MARCHF1: variants seen among roughly 807,000 people sequenced by gnomAD.
MARCHF1 encodes the protein membrane associated ring-CH-type finger 1, also known as E3 ubiquitin-protein ligase MARCHF1.
MARCHF1 carries 40 observed loss-of-function variants against 54.2 expected under a neutral mutation model. The observed-to-expected ratio is 0.74, with a 90% CI of 0.57 to 0.96. MARCHF1 has a LOEUF of 0.96. MARCHF1 is among the 40% of genes least tolerant of loss of function. MARCHF1 has a pLI of 0.00. For missense variants in MARCHF1, 586 were observed against 656.5 expected (o/e 0.89, Z 1.17); for synonymous variants, 236 against 236.3 (o/e 1.00, Z 0.01).
chr4:164,164,079 A>T (rs1431206409), intron 1 of MARCHF1, among the ~76,000 whole-genome samples: 2 of 152,008 alleles, frequency 1.3e-5, no homozygotes, highest in East Asian at 3.8e-4. Context: ...ATCCTACTAA[A>T]GCAGTTCTTA....
rs1288608105 is a variant in MARCHF1, at chr4:164,258,398, A to ATAATAATAC, written c.-323+125471_-323+125472insGTATTATTA. ...ATATCCCAGAACTTAAAGTATAATAATAATAATAATAATAATAATAAAGGA... is the reference window on the plus strand; with the variant it reads ...ATATCCCAGAACTTAAAGTATAATAATAATAATACTAATAATAATAATAATAATAAAGGA... On this transcript the variant is annotated intron_variant, in intron 1 of 9. Coordinates refer to ENST00000514618, the MANE Select transcript of MARCHF1 (RefSeq NM_001394959.1). 1.9e-4 allele frequency among the ~76,000 whole-genome samples: 29 copies of ATAATAATAC among 150,530 alleles called. 1 individual carries two copies. The Admixed American group carries it at 1.9e-3, about 10-fold the overall frequency.
intron 2 of MARCHF1, among the ~76,000 whole-genome samples, chr4:164,010,221 C>T (rs1305230253): frequency 6.6e-6 from 1 of 151,490 alleles, no homozygotes; most frequent in Non-Finnish European, 1.5e-5. Context: ...AGCATGCCAC[C>T]ACGCTCAGCG....
chr4:164,220,592 T>TATATACGTAATATATATGCTATATATGC (rs1732072242), intron 1 of MARCHF1, among the ~76,000 whole-genome samples: 1 of 119,124 alleles, frequency 8.4e-6, no homozygotes, highest in Non-Finnish European at 1.7e-5. Flanking sequence ...ATGATATATG[T>TATATACGTAATATATATGCTATATATGC]ATATATGTAA....
chr4:164,154,878 A>AT (rs1204698816), intron 1 of MARCHF1, among the ~76,000 whole-genome samples: 1 of 152,170 alleles, frequency 6.6e-6, no homozygotes, highest in Non-Finnish European at 1.5e-5. Flanking sequence ...TGAAGGATGA[A>AT]TATGGGGGTT....
chr4:164,025,195 A>G (rs1160584072), intron 2 of MARCHF1, among the ~76,000 whole-genome samples: 1 of 152,156 alleles, frequency 6.6e-6, no homozygotes, highest in Non-Finnish European at 1.5e-5. Flanking sequence ...GAGGCAGAAA[A>G]CTAACAAAAA....
At chr4:163,992,934 G>T (rs1752995832) in intron 2 of MARCHF1, among the ~76,000 whole-genome samples, 1 of 151,962 alleles carries the variant, frequency 6.6e-6, no homozygotes, top group African/African-American at 2.4e-5. Context: ...TGGTGAAAGG[G>T]AGGAAACCTG....
At position 163,612,530 on chromosome 4, in the gene MARCHF1, A is replaced by G. The variant is rs2110929613; in HGVS notation, c.751T>C (p.Ser251Pro). Residue 251 changes from serine to proline, a missense_variant, in exon 7 of 10, where the codon TCC becomes CCC. Coordinates refer to ENST00000514618, the MANE Select transcript of MARCHF1 (RefSeq NM_001394959.1). The part of the protein sequence containing the change: ...QECNPSLTQG[S>P]SEIKRSSRNH... ...CTTGAGGATCTCTTAATTTCAGAGGACCCTTGAGTCAGAGAAGGGTTGCAT... is the reference window on the plus strand; with the variant it reads ...CTTGAGGATCTCTTAATTTCAGAGGGCCCTTGAGTCAGAGAAGGGTTGCAT... 1 of 1,535,158 alleles carries G rather than the reference A, an allele frequency of 6.5e-7. No individual in the cohort carries two copies. The highest frequency in any genetic ancestry group is 1.2e-5 in the South Asian group (1 of 84,000).
intron 5 of MARCHF1, among the ~76,000 whole-genome samples, chr4:163,666,856 A>G (rs1032682240): frequency 6.6e-6 from 1 of 152,164 alleles, no homozygotes; most frequent in African/African-American, 2.4e-5. Flanking sequence ...AAATGACACT[A>G]AAACTGAAAA....
At chr4:163,795,520 A>G (rs1007662621) in intron 4 of MARCHF1, among the ~76,000 whole-genome samples, 2 of 152,212 alleles carry the variant, frequency 1.3e-5, no homozygotes, top group East Asian at 1.9e-4. Context: ...GTAAGCCACC[A>G]TGCCCAGCAT....
intron 5 of MARCHF1, among the ~76,000 whole-genome samples, chr4:163,617,085 C>T (rs1360922541): frequency 6.6e-6 from 1 of 152,014 alleles, no homozygotes; most frequent in Non-Finnish European, 1.5e-5. Context: ...TAAAAACGAA[C>T]AAAATCATGT....
chr4:164,059,238 C>G (rs1754561190), intron 2 of MARCHF1, among the ~76,000 whole-genome samples: 1 of 152,136 alleles, frequency 6.6e-6, no homozygotes, highest in Non-Finnish European at 1.5e-5. Context: ...GGCATTGATT[C>G]AGTTTGCTTT....
At chr4:163,564,131 C>T (rs561054701) in intron 8 of MARCHF1, among the ~76,000 whole-genome samples, 46 of 152,146 alleles carry the variant, frequency 3.0e-4, no homozygotes, top group Non-Finnish European at 5.4e-4. Context: ...CTTAACCATT[C>T]GCCTTACTGT....
At chr4:164,171,983 C>A (rs1730536860) in intron 1 of MARCHF1, among the ~76,000 whole-genome samples, 1 of 152,090 alleles carries the variant, frequency 6.6e-6, no homozygotes, top group Non-Finnish European at 1.5e-5. Flanking sequence ...TGGCTGGCAC[C>A]CAGGTCACTA....
intron 7 of MARCHF1, among the ~76,000 whole-genome samples, chr4:163,605,476 A>G (rs1366835882): frequency 1.3e-5 from 2 of 152,172 alleles, no homozygotes; most frequent in African/African-American, 4.8e-5. Flanking sequence ...AATTAGTTTA[A>G]CCATTGTGGA....
intron 4 of MARCHF1, among the ~76,000 whole-genome samples, chr4:163,733,573 T>G (rs1430060075): frequency 6.6e-6 from 1 of 151,696 alleles, no homozygotes; most frequent in Non-Finnish European, 1.5e-5. Flanking sequence ...TCATTTAGCA[T>G]TAGGTATATC....
intron 4 of MARCHF1, among the ~76,000 whole-genome samples, chr4:163,849,293 G>T (rs1056073261): frequency 6.6e-6 from 1 of 152,104 alleles, no homozygotes; most frequent in Admixed American, 6.6e-5. Context: ...CTGGATTGTA[G>T]TAAGTATTAA....
chr4:163,729,216 A>G (rs944537293), intron 4 of MARCHF1, among the ~76,000 whole-genome samples: 2 of 152,092 alleles, frequency 1.3e-5, no homozygotes, highest in African/African-American at 4.8e-5. Context: ...TGGAGGAAAC[A>G]AAAAAAGAAA....
intron 1 of MARCHF1, among the ~76,000 whole-genome samples, chr4:164,149,294 T>C (rs761947729): frequency 2.6e-5 from 4 of 152,188 alleles, no homozygotes; most frequent in African/African-American, 9.6e-5. Flanking sequence ...CAATGCAAAA[T>C]GGACTAACTC....
intron 3 of MARCHF1, among the ~76,000 whole-genome samples, chr4:163,950,533 G>A: frequency 6.6e-6 from 1 of 152,002 alleles, no homozygotes; most frequent in East Asian, 1.9e-4. Flanking sequence ...CTGCAGCCCT[G>A]GCTAGACAGC....
Sources: gnomAD v4.1 joint callset for allele counts (sites outside exome capture counted in the v4.1 genomes callset) on GRCh38, gnomAD v4.1.1 for gene constraint, MANE v1.5 for transcripts, NCBI Gene and HGNC (gene_info 2026-07-23, HGNC 2026-07-21) for gene names.